UBE2E1: variants seen among roughly 807,000 people sequenced by gnomAD.
UBE2E1 encodes ubiquitin-conjugating enzyme E2 E1.
In UBE2E1, 6 loss-of-function variants were observed where a neutral mutation model predicts 21.4. The ratio of observed to expected loss-of-function variants is 0.28; its 90% CI spans 0.15 to 0.55. The LOEUF (loss-of-function observed/expected upper bound fraction) is 0.55. UBE2E1 is among the 20% of genes least tolerant of loss of function. The pLI is 0.93. For missense variants in UBE2E1, 142 were observed against 236.5 expected (o/e 0.60, Z 2.62); for synonymous variants, 87 against 82.7 (o/e 1.05, Z -0.28).
At chr3:23,807,203 T>C in intron 1 of UBE2E1, 34 bp from the exon 2 acceptor site, 1 of 1,528,770 alleles carries the variant, frequency 6.5e-7, no homozygotes, top group Admixed American at 2.2e-5. Flanking sequence ...CTGCATGGTT[T>C]GTGTGTTTCT....
intron 3 of UBE2E1, 37 bp downstream of exon 3, chr3:23,811,547 T>C (rs1699393344): frequency 6.3e-7 from 1 of 1,592,802 alleles, no homozygotes; most frequent in East Asian, 2.2e-5. Context: ...TTTTTAAAAT[T>C]CTTCTAACCT....
In UBE2E1 at chr3:23,853,191, C is replaced by A. The variant is rs912122725; in HGVS notation, c.204-34376C>A. On this transcript the variant is annotated intron_variant, in intron 3 of 5. Coordinates refer to ENST00000306627, the MANE Select transcript of UBE2E1 (RefSeq NM_003341.5). This position sits in a 1 kb window ranked among gnomAD's most constrained non-coding sequence, Gnocchi z 4.1. ...TACAGGCGTGAGCCACCGCGCCCAG[C>A]TGCCTTATTTCTTTTTCTTGCTGTA... 6.6e-6 allele frequency among the ~76,000 whole-genome samples: 1 copy of A among 152,232 alleles called. No homozygotes were observed. The highest frequency in any genetic ancestry group is 2.1e-4 in the South Asian group (1 of 4,832).
At chr3:23,882,487 G>A (rs940030214) in intron 3 of UBE2E1, among the ~76,000 whole-genome samples, 30 of 152,358 alleles carry the variant, frequency 2.0e-4, no homozygotes, top group African/African-American at 6.5e-4. Context: ...ATCCTGTGCC[G>A]GGGCTGCGGG....
intron 3 of UBE2E1, among the ~76,000 whole-genome samples, chr3:23,857,975 C>A (rs553495137): frequency 6.6e-6 from 1 of 152,150 alleles, no homozygotes; most frequent in East Asian, 1.9e-4. Context: ...GTTCATGCCA[C>A]CGTGCCTGGC....
At chr3:23,827,412 G>C (rs1027264210) in intron 3 of UBE2E1, among the ~76,000 whole-genome samples, 1 of 152,116 alleles carries the variant, frequency 6.6e-6, no homozygotes. Flanking sequence ...CACTGTGTGC[G>C]GTGGAGATTT....
chr3:23,869,987 C>T (rs1050396559), intron 3 of UBE2E1, among the ~76,000 whole-genome samples: 2 of 152,124 alleles, frequency 1.3e-5, no homozygotes, highest in Admixed American at 6.5e-5. Flanking sequence ...GGGCTGGGCT[C>T]AGCTGGTTGG....
intron 3 of UBE2E1, among the ~76,000 whole-genome samples, chr3:23,874,005 A>T (rs1700860775): frequency 6.6e-6 from 1 of 152,216 alleles, no homozygotes; most frequent in Non-Finnish European, 1.5e-5. Flanking sequence ...CTTTGTAGCA[A>T]GTTATTGAAG....
chr3:23,866,885 C>G (rs1017948788), intron 3 of UBE2E1, among the ~76,000 whole-genome samples: 3 of 152,090 alleles, frequency 2.0e-5, no homozygotes, highest in Non-Finnish European at 4.4e-5. Flanking sequence ...AAAGGCAGAC[C>G]AGTAATTGTG....
chr3:23,847,716 C>T (rs1379519281), intron 3 of UBE2E1, among the ~76,000 whole-genome samples: 6 of 151,902 alleles, frequency 3.9e-5, no homozygotes, highest in South Asian at 2.1e-4. Context: ...AGGATGGTCT[C>T]GATCTTCTGA....
chr3:23,889,546 T>TTAA, intron 5 of UBE2E1: 1 of 1,384,864 alleles, frequency 7.2e-7, no homozygotes, highest in Non-Finnish European at 9.3e-7. Flanking sequence ...TTCCTGTTGC[T>TTAA]TAATTTCCCA....
At chr3:23,838,155 C>A (rs143395773) in intron 3 of UBE2E1, among the ~76,000 whole-genome samples, 19 of 152,208 alleles carry the variant, frequency 1.2e-4, no homozygotes, top group African/African-American at 4.1e-4. Flanking sequence ...GCAGTCTCAG[C>A]CTCCCGGGCT....
chr3:23,883,904 C>CA (rs35520751), intron 3 of UBE2E1, among the ~76,000 whole-genome samples: 3,269 of 87,034 alleles, frequency 0.038, 162 homozygotes, highest in African/African-American at 0.11. Flanking sequence ...TGACAGATCT[C>CA]AAAAAAAAAA....
At position 23,887,791 on chromosome 3, in the gene UBE2E1, CTA is replaced by C; in HGVS notation, c.336+93_336+94del. ...TAAATTTAATTTTTAATCACAGAAA[CTA>C]GATTTATCTTATGTCCTAATAGATC... On this transcript the variant is annotated intron_variant, in intron 4 of 5. Coordinates refer to ENST00000306627, the MANE Select transcript of UBE2E1 (RefSeq NM_003341.5). The surrounding 1 kb of genome is among the most constrained non-coding windows in gnomAD (Gnocchi z 4.4). 1 of 1,455,474 alleles carries C rather than the reference CTA, an allele frequency of 6.9e-7. No homozygotes were observed. The highest frequency in any genetic ancestry group is 2.4e-4 in the Middle Eastern group (1 of 4,212). The allele number at this position is 1,455,474 out of a possible 1,614,324, so 90.2% of individuals were successfully genotyped here.
Position 23,842,250 on chromosome 3 carries a change from G to GTGTGTGGTGGTGT in UBE2E1, c.203+30743_203+30744insGTGGTGGTGTTGT, listed in dbSNP as rs1553637746. Reference sequence around the variant, plus strand: ...GTGTGTGTGTGTGTGTGTGTGTGTGGTGTTGTTGTTGTTGGCGACAGGGTC... The same window carrying GTGTGTGGTGGTGT: ...GTGTGTGTGTGTGTGTGTGTGTGTGGTGTGTGGTGGTGTTGTTGTTGTTGTTGGCGACAGGGTC... On this transcript the variant is annotated intron_variant, in intron 3 of 5. Coordinates refer to ENST00000306627, the MANE Select transcript of UBE2E1 (RefSeq NM_003341.5). This position sits in a 1 kb window ranked among gnomAD's most constrained non-coding sequence, Gnocchi z 4.6. Among the ~76,000 whole-genome samples, 4 of 86,288 alleles carry GTGTGTGGTGGTGT rather than the reference G, an allele frequency of 4.6e-5. No homozygotes were observed. Among genetic ancestry groups the GTGTGTGGTGGTGT allele is most frequent in the African/African-American group, 9.2e-5 (2 of 21,640 alleles). The allele number at this position is 86,288 out of a possible 152,430, so 56.6% of individuals were successfully genotyped here. A position where few individuals can be genotyped will look rare whatever the true frequency, so the allele number is the denominator to read the frequency against.
At chr3:23,868,634 T>C (rs1700708527) in intron 3 of UBE2E1, among the ~76,000 whole-genome samples, 1 of 152,154 alleles carries the variant, frequency 6.6e-6, no homozygotes, top group Non-Finnish European at 1.5e-5. Context: ...TTACTTTACT[T>C]TCTACATTAA....
intron 3 of UBE2E1, among the ~76,000 whole-genome samples, chr3:23,875,959 GACGGGGTTTC>G (rs1470905823): frequency 3.3e-5 from 5 of 152,202 alleles, no homozygotes; most frequent in African/African-American, 1.2e-4. Context: ...TTTTAGTAGA[GACGGGGTTTC>G]ACTGTGTTGG....
intron 3 of UBE2E1, among the ~76,000 whole-genome samples, chr3:23,829,966 C>G (rs1169711783): frequency 6.6e-6 from 1 of 152,006 alleles, no homozygotes; most frequent in Non-Finnish European, 1.5e-5. Context: ...CCACATGTTT[C>G]CCTTCCTCCC....
chr3:23,825,818 G>A lies in UBE2E1; in HGVS notation c.203+14308G>A, dbSNP rs905798736. Among the ~76,000 whole-genome samples, 6 of 152,132 alleles carry A rather than the reference G, an allele frequency of 3.9e-5. No individual in the cohort carries two copies. The East Asian group carries it at 7.7e-4, about 20-fold the overall frequency. On this transcript the variant is annotated intron_variant, in intron 3 of 5. Transcript: ENST00000306627. ...AATTTCAGTAGAAAGCCGTGGGAGA[G>A]CTTTAAATGGAGGAGTGAAATACGA...
At chr3:23,834,309 A>G (rs547868738) in intron 3 of UBE2E1, among the ~76,000 whole-genome samples, 19 of 152,352 alleles carry the variant, frequency 1.2e-4, no homozygotes, top group African/African-American at 3.6e-4. Flanking sequence ...TCATCTATAA[A>G]TCAGAGCTAA....
Sources: allele counts gnomAD v4.1 joint callset (sites outside exome capture counted in the v4.1 genomes callset), GRCh38; gene constraint gnomAD v4.1.1; non-coding constraint Gnocchi (gnomAD v3.1); transcripts MANE v1.5; gene names NCBI Gene and HGNC (gene_info 2026-07-23, HGNC 2026-07-21).